The following KAZN variants were observed in gnomAD, a reference collection of about 807,000 sequenced individuals.
The protein encoded by KAZN is kazrin, periplakin interacting protein.
Under a neutral mutation model 87.4 loss-of-function variants are expected in KAZN, and 40 were observed. That is an observed-to-expected ratio of 0.46 (90% CI 0.36 to 0.60). The LOEUF is 0.60. Ranked by LOEUF, KAZN falls within the 20% of genes least tolerant of loss-of-function variation. KAZN has a pLI of 0.00. For missense variants in KAZN, 898 were observed against 1,073.9 expected (o/e 0.84, Z 2.29); for synonymous variants, 466 against 458.3 (o/e 1.02, Z -0.22).
At chr1:14,462,995 G>A (rs1667935704) in intron 2 of KAZN, among the ~76,000 whole-genome samples, 1 of 152,166 alleles carries the variant, frequency 6.6e-6, no homozygotes, top group Non-Finnish European at 1.5e-5. Flanking sequence ...ACTGCTCCTT[G>A]TGGAGCAGGG....
At chr1:13,942,402 T>C (rs12085785) in intron 1 of KAZN, among the ~76,000 whole-genome samples, 12,025 of 136,216 alleles carry the variant, frequency 0.088, 575 homozygotes, top group Middle Eastern at 0.18. Context: ...TAGCCGGGCG[T>C]GGTGGCGGGC....
chr1:14,134,824 G>T (rs888424971), intron 1 of KAZN, among the ~76,000 whole-genome samples: 1 of 151,950 alleles, frequency 6.6e-6, no homozygotes, highest in Non-Finnish European at 1.5e-5. Flanking sequence ...TAAACAAGTT[G>T]CCAGCAATAA....
chr1:14,444,118 G>A (rs1666845549), intron 2 of KAZN, among the ~76,000 whole-genome samples: 1 of 152,006 alleles, frequency 6.6e-6, no homozygotes, highest in Admixed American at 6.6e-5. Flanking sequence ...CAAAGTATGG[G>A]TTCAGACACA....
chr1:14,845,318 T>C (rs1648600603), intron 1 of KAZN, among the ~76,000 whole-genome samples: 1 of 145,040 alleles, frequency 6.9e-6, no homozygotes, highest in Admixed American at 6.8e-5. Context: ...ATTAGGTAGG[T>C]AGGTGGATGG....
chr1:14,078,631 C>G (rs952490427), intron 1 of KAZN, among the ~76,000 whole-genome samples: 3 of 152,200 alleles, frequency 2.0e-5, no homozygotes, highest in Admixed American at 2.0e-4. Flanking sequence ...ATAGACGGCG[C>G]CTTCTCACTG....
At chr1:14,154,454 T>G (rs999449376) in intron 1 of KAZN, among the ~76,000 whole-genome samples, 1 of 152,218 alleles carries the variant, frequency 6.6e-6, no homozygotes, top group Admixed American at 6.5e-5. Flanking sequence ...AAAGATAATT[T>G]GGCTTCTTCC....
chr1:14,084,759 T>G (rs1643801841), intron 1 of KAZN, among the ~76,000 whole-genome samples: 1 of 150,238 alleles, frequency 6.7e-6, no homozygotes, highest in African/African-American at 2.4e-5. Context: ...GGGATAGCAT[T>G]AGGAGATATA....
At chr1:14,985,448 T>C (rs12091946) in intron 2 of KAZN, among the ~76,000 whole-genome samples, 45,802 of 151,442 alleles carry the variant, frequency 0.3, 8,572 homozygotes, top group African/African-American at 0.52. Context: ...GAGGATGGCT[T>C]AAGCCCAGGA....
At chr1:14,819,663 C>T (rs959166479) in intron 1 of KAZN, among the ~76,000 whole-genome samples, 5 of 150,762 alleles carry the variant, frequency 3.3e-5, no homozygotes, top group South Asian at 2.1e-4. Flanking sequence ...TTCAGACTTG[C>T]GAGTCCCCAC....
At chr1:15,016,705 C>G (rs143907171) in intron 2 of KAZN, among the ~76,000 whole-genome samples, 1 of 152,310 alleles carries the variant, frequency 6.6e-6, no homozygotes, top group Non-Finnish European at 1.5e-5. Flanking sequence ...CTGCACAAGG[C>G]CCCTCCCTGG....
exon 1 of KAZN, chr1:13,893,381 T>C: frequency 3.4e-6 from 1 of 295,406 alleles, no homozygotes; most frequent in South Asian, 7.3e-5. Context: ...CGACTCCTGG[T>C]TAGGGGGAAA....
chr1:14,890,309 T>C (rs1244860222), intron 1 of KAZN, among the ~76,000 whole-genome samples: 1 of 152,210 alleles, frequency 6.6e-6, no homozygotes, highest in Non-Finnish European at 1.5e-5. Flanking sequence ...CTCAGCTGTG[T>C]GCAAAGCCCA....
At chr1:14,858,214 C>G (rs71510963) in intron 1 of KAZN, among the ~76,000 whole-genome samples, 1 of 117,030 alleles carries the variant, frequency 8.5e-6, no homozygotes, top group African/African-American at 3.4e-5. Context: ...TTTTTCTTTT[C>G]TTTTTTTTTT....
At chr1:14,501,217 A>C (rs1437831365) in intron 2 of KAZN, among the ~76,000 whole-genome samples, 5 of 152,114 alleles carry the variant, frequency 3.3e-5, no homozygotes, top group Non-Finnish European at 5.9e-5. Flanking sequence ...TAAGACAAAG[A>C]TATTCATTCT....
chr1:14,909,439 C>T (rs1379687216), intron 1 of KAZN, among the ~76,000 whole-genome samples: 1 of 152,194 alleles, frequency 6.6e-6, no homozygotes, highest in African/African-American at 2.4e-5. Context: ...CCTCTGCCTC[C>T]CACCAATTTC....
intron 1 of KAZN, among the ~76,000 whole-genome samples, chr1:14,091,680 C>T (rs756262418): frequency 1.3e-5 from 2 of 152,134 alleles, no homozygotes; most frequent in Non-Finnish European, 2.9e-5. Flanking sequence ...TGATTCATAA[C>T]TTTTGGGGGC....
intron 2 of KAZN, among the ~76,000 whole-genome samples, chr1:14,531,153 C>A (rs1672188588): frequency 6.6e-6 from 1 of 152,182 alleles, no homozygotes; most frequent in Non-Finnish European, 1.5e-5. Context: ...TGACACGCAT[C>A]TCAATTGCAG....
At position 14,690,374 on chromosome 1, in the gene KAZN, TG is replaced by T. The variant is rs1282271616; in HGVS notation, c.226+91152del. ...AGGGAGGCCACTAAGCTGAAGTAGA[TG>T]TCAGGGAGAGAGAGGATTCACCACA... On this transcript the variant is annotated intron_variant, in intron 1 of 14. Transcript: ENST00000376030. Among the ~76,000 whole-genome samples, 3 of 152,308 alleles carry T rather than the reference TG, an allele frequency of 2.0e-5. No homozygotes were observed. In the East Asian group the frequency reaches 5.8e-4, roughly 29 times the overall value.
chr1:14,347,852 A>G (rs2100929168), intron 2 of KAZN, among the ~76,000 whole-genome samples: 1 of 151,188 alleles, frequency 6.6e-6, no homozygotes, highest in East Asian at 2.0e-4. Flanking sequence ...TACAATGGGC[A>G]TATACTACTA....
Sources: gnomAD v4.1 joint callset for allele counts (sites outside exome capture counted in the v4.1 genomes callset) on GRCh38, gnomAD v4.1.1 for gene constraint, MANE v1.5 for transcripts, NCBI Gene and HGNC (gene_info 2026-07-23, HGNC 2026-07-21) for gene names.